INPP4B: variants seen among roughly 807,000 people sequenced by gnomAD.
INPP4B encodes the protein inositol polyphosphate-4-phosphatase type II B.
In INPP4B, 55 loss-of-function variants were observed where a neutral mutation model predicts 122.5. That is an observed-to-expected ratio of 0.45 (90% confidence interval 0.36 to 0.56). The LOEUF (loss-of-function observed/expected upper bound fraction) is 0.56, where lower values mean the gene tolerates loss of function less well. Ranked by LOEUF, INPP4B falls within the 20% of genes least tolerant of loss-of-function variation. The pLI, the probability that INPP4B is intolerant of heterozygous loss-of-function variation, is 0.00. For missense variants in INPP4B, 1,000 were observed against 1,097.7 expected (o/e 0.91, Z 1.26); for synonymous variants, 403 against 388.7 (o/e 1.04, Z -0.43).
At chr4:142,038,461 A>G (rs1289055348) in intron 25 of INPP4B, among the ~76,000 whole-genome samples, 1 of 152,214 alleles carries the variant, frequency 6.6e-6, no homozygotes, top group Non-Finnish European at 1.5e-5. Flanking sequence ...ATTATGGACA[A>G]GTTTGCTACA....
intron 2 of INPP4B, chr4:142,583,735 T>C (rs1560829084): frequency 6.6e-6 from 1 of 152,144 alleles, no homozygotes. Flanking sequence ...TACCTACATG[T>C]GTAGAGTGGA....
chr4:142,731,651 T>G (rs749915071), intron 1 of INPP4B, among the ~76,000 whole-genome samples: 3 of 152,114 alleles, frequency 2.0e-5, no homozygotes, highest in Non-Finnish European at 4.4e-5. Context: ...AAACATGAAG[T>G]CTTCATTTCC....
chr4:142,394,727 G>A (rs1346087787), intron 7 of INPP4B, among the ~76,000 whole-genome samples: 1 of 152,116 alleles, frequency 6.6e-6, no homozygotes, highest in Non-Finnish European at 1.5e-5. Flanking sequence ...CCCCTTATCA[G>A]ATGTATGATT....
intron 2 of INPP4B, among the ~76,000 whole-genome samples, chr4:142,611,637 CTTTTTTTT>C (rs34482115): frequency 2.6e-4 from 17 of 65,236 alleles, no homozygotes; most frequent in South Asian, 7.6e-4. Flanking sequence ...TTTCTTTTTT[CTTTTTTTT>C]TTTTTTTTTT....
chr4:142,799,422 C>T (rs1225472096), intron 1 of INPP4B, among the ~76,000 whole-genome samples: 3 of 151,830 alleles, frequency 2.0e-5, no homozygotes, highest in South Asian at 2.1e-4. Context: ...ACTTTTGATA[C>T]TTTGGCAATT....
chr4:142,246,716 T>C (rs1002019156), intron 11 of INPP4B, among the ~76,000 whole-genome samples: 1 of 152,212 alleles, frequency 6.6e-6, no homozygotes, highest in Non-Finnish European at 1.5e-5. Context: ...TGGGGTTTTC[T>C]AAATATAGAA....
chr4:142,304,755 C>T (rs987257304), intron 9 of INPP4B, among the ~76,000 whole-genome samples: 1 of 151,904 alleles, frequency 6.6e-6, no homozygotes, highest in African/African-American at 2.4e-5. Context: ...AGGCAGTATC[C>T]CCAATGTATG....
intron 2 of INPP4B, among the ~76,000 whole-genome samples, chr4:142,472,435 T>C (rs1819014382): frequency 6.6e-6 from 1 of 152,174 alleles, no homozygotes; most frequent in Admixed American, 6.5e-5. Flanking sequence ...CAGTAAGTAC[T>C]ATCTCTGGAA....
chr4:142,145,901 G>A lies in INPP4B; in HGVS notation c.1659C>T (p.Gly553=), dbSNP rs35390852. ...GTTCCTTTTCTCCATCATTGTTGCC[G>A]CCACTGCCTTCACTGCCACCATCTC... ...IERDGGSEGS[G]GNNDGEKEPS... is the part of the protein sequence containing the mutation. The change falls in exon 18 of 26, where the codon GGC becomes GGT. Residue 553 remains glycine (G), a synonymous_variant. Transcript: ENST00000262992. 0.12 allele frequency: 194,763 copies of A among 1,613,184 alleles called. 12,895 individuals are homozygous for A. Among genetic ancestry groups the A allele is most frequent in the South Asian group, 0.21 (18,846 of 91,026 alleles).
rs562100902 is a variant in INPP4B, at chr4:142,245,138, A to C, written c.689-7127T>G. 9.9e-5 allele frequency among the ~76,000 whole-genome samples: 15 copies of C among 152,244 alleles called. No individual in the cohort carries two copies. The East Asian group carries it at 2.3e-3, about 24-fold the overall frequency. On this transcript the variant is annotated intron_variant, in intron 11 of 25. Coordinates refer to ENST00000262992, the MANE Select transcript of INPP4B (RefSeq NM_001101669.3). Reference sequence around the variant, plus strand: ...GATATTAGCCCTTTGTCAGATGAATAGATTGCAAAAATTTTCTCCCATTCT... The same window carrying C: ...GATATTAGCCCTTTGTCAGATGAATCGATTGCAAAAATTTTCTCCCATTCT...
At chr4:142,179,514 CAA>C (rs1262450503) in intron 15 of INPP4B, among the ~76,000 whole-genome samples, 2 of 140,000 alleles carry the variant, frequency 1.4e-5, no homozygotes, top group African/African-American at 5.2e-5. Context: ...ATTTTAGAAT[CAA>C]AGAGTGTTGT....
At chr4:142,454,056 G>A (rs1814869652) in intron 3 of INPP4B, among the ~76,000 whole-genome samples, 1 of 151,986 alleles carries the variant, frequency 6.6e-6, no homozygotes, top group Non-Finnish European at 1.5e-5. Flanking sequence ...CTCAAATTTT[G>A]TGTAAAAGTA....
intron 2 of INPP4B, among the ~76,000 whole-genome samples, chr4:142,623,710 C>A (rs1220266699): frequency 4.7e-5 from 7 of 147,938 alleles, no homozygotes; most frequent in Non-Finnish European, 8.9e-5. Flanking sequence ...TAATGCTATC[C>A]CTCCCCCCTC....
At chr4:142,686,578 C>T (rs1022011992) in intron 2 of INPP4B, among the ~76,000 whole-genome samples, 4 of 151,992 alleles carry the variant, frequency 2.6e-5, no homozygotes, top group African/African-American at 9.7e-5. Flanking sequence ...TCAAGGATCC[C>T]GAAAATATTG....
chr4:142,218,921 A>G (rs1848352967), intron 12 of INPP4B, among the ~76,000 whole-genome samples: 1 of 152,224 alleles, frequency 6.6e-6, no homozygotes, highest in African/African-American at 2.4e-5. Flanking sequence ...GGGTGACACC[A>G]TAAAACTGAG....
chr4:142,305,518 G>T lies in INPP4B; in HGVS notation c.443C>A (p.Ala148Asp). 1 of 1,612,570 alleles carries T rather than the reference G, an allele frequency of 6.2e-7. No individual in the cohort carries two copies. The change falls in exon 9 of 26, where the codon GCC (alanine) becomes GAC (aspartate). Residue 148 changes from alanine (A) to aspartate (D), a missense_variant. Ala to Asp is a moderately radical substitution (Grantham distance 126). Coordinates refer to ENST00000262992, the MANE Select transcript of INPP4B (RefSeq NM_001101669.3). Reference sequence around the variant, plus strand: ...CAGCAGCTCTCCCACTTTAAAACTGGCATAGCCCAAGAAACTTCGCTGAAA... The same window carrying T: ...CAGCAGCTCTCCCACTTTAAAACTGTCATAGCCCAAGAAACTTCGCTGAAA... ...PEVGRSFLGY[A>D]SFKVGELLKS...
rs184890451 is a variant in INPP4B, at chr4:142,692,715, C to G, written c.-191+33124G>C. On this transcript the variant is annotated intron_variant, in intron 2 of 25. Transcript: ENST00000262992. ...CACTCCATTCTGTGTCCAGGAGTTA[C>G]GGTTCTGCCCTTTCACTGTGGTGGC... Among the ~76,000 whole-genome samples the G allele has an allele frequency of 4.9e-3, 749 of 152,270 alleles. 5 individuals are homozygous for G. The highest frequency in any genetic ancestry group is 0.017 in the African/African-American group (702 of 41,562).
At position 142,173,788 on chromosome 4, in the gene INPP4B, G is replaced by A; in HGVS notation, c.1203C>T (p.Tyr401=). ...ERRNTGYQFI[Y]YSPENTAKAK... is the part of the protein sequence containing the mutation. Reference sequence around the variant, plus strand: ...CTTTGGCTGTGTTTTCAGGTGAATAGTAAATAAACTGGTATCCGGTACTGC... The same window carrying A: ...CTTTGGCTGTGTTTTCAGGTGAATAATAAATAAACTGGTATCCGGTACTGC... Residue 401 remains tyrosine (Y), a synonymous_variant, in exon 16 of 26, where the codon TAC becomes TAT. Coordinates refer to ENST00000262992, the MANE Select transcript of INPP4B (RefSeq NM_001101669.3). The A allele has an allele frequency of 1.2e-6, 2 of 1,612,912 alleles. No homozygotes were observed. The highest frequency in any genetic ancestry group is 1.7e-6 in the Non-Finnish European group (2 of 1,179,190).
chr4:142,358,820 T>C (rs1323873934), intron 7 of INPP4B, among the ~76,000 whole-genome samples: 4 of 151,968 alleles, frequency 2.6e-5, no homozygotes, highest in Non-Finnish European at 4.4e-5. Context: ...CTTGGGAAGC[T>C]GTATGCTTAA....
Sources: gnomAD v4.1 joint callset for allele counts (sites outside exome capture counted in the v4.1 genomes callset) on GRCh38, gnomAD v4.1.1 for gene constraint, MANE v1.5 for transcripts, NCBI Gene and HGNC (gene_info 2026-07-23, HGNC 2026-07-21) for gene names.